PIEZO2: variants seen among roughly 807,000 people sequenced by gnomAD.
The protein encoded by PIEZO2 is piezo-type mechanosensitive ion channel component 2.
In PIEZO2, 172 loss-of-function variants were observed where a neutral mutation model predicts 337.3. That is an observed-to-expected ratio of 0.51 (90% CI 0.45 to 0.58). The LOEUF is 0.58. Ranked by LOEUF, PIEZO2 falls within the 20% of genes least tolerant of loss-of-function variation. The probability of loss-of-function intolerance (pLI) is 0.00; values close to 1 mark genes in which losing one functional copy is unlikely to be tolerated. For missense variants in PIEZO2, 3,028 were observed against 3,391.3 expected, an observed-to-expected ratio of 0.89 and a Z score of 2.66; for synonymous variants, 1,251 against 1,228.5, an observed-to-expected ratio of 1.02 and a Z score of -0.38.
intron 3 of PIEZO2, among the ~76,000 whole-genome samples, chr18:10,934,930 G>A (rs1460336643): frequency 6.6e-6 from 1 of 151,964 alleles, no homozygotes; most frequent in Non-Finnish European, 1.5e-5. Context: ...CCTTACAGAC[G>A]TGGCAACCGA....
At chr18:10,887,824 A>C (rs1740006269) in intron 4 of PIEZO2, among the ~76,000 whole-genome samples, 1 of 152,094 alleles carries the variant, frequency 6.6e-6, no homozygotes, top group Non-Finnish European at 1.5e-5. Flanking sequence ...TGGCTCATGA[A>C]TTCTTGCAAA....
intron 3 of PIEZO2, among the ~76,000 whole-genome samples, chr18:10,946,486 G>A (rs1052507684): frequency 2.6e-5 from 4 of 152,178 alleles, no homozygotes; most frequent in Admixed American, 2.0e-4. Flanking sequence ...TCTCCCTGGT[G>A]TTAACAGGGT....
In PIEZO2 at chr18:11,101,272, T is replaced by A. The variant is rs1467906486; in HGVS notation, c.65-35050A>T. The stretch of plus-strand genomic sequence containing the variant: ...TCCGACTTCCAAACTTCCTCTGGAG[T>A]TCTGGGACTCAATGGAGAGTCAATC... On this transcript the variant is annotated intron_variant, in intron 1 of 55. Transcript: ENST00000674853. The surrounding 1 kb of genome is among the most constrained non-coding windows in gnomAD (Gnocchi z 4.4). Among the ~76,000 whole-genome samples, 1 of 152,194 alleles carries A rather than the reference T, an allele frequency of 6.6e-6. No homozygotes were observed. Among genetic ancestry groups the A allele is most frequent in the African/African-American group, 2.4e-5 (1 of 41,448 alleles).
intron 1 of PIEZO2, among the ~76,000 whole-genome samples, chr18:11,073,701 G>T (rs2038424805): frequency 6.6e-6 from 1 of 152,168 alleles, no homozygotes; most frequent in African/African-American, 2.4e-5. Flanking sequence ...TGTATGTGAA[G>T]ATGCTACCCA....
At chr18:10,720,234 G>GCGTGTATATATA (rs1555631512) in intron 36 of PIEZO2, among the ~76,000 whole-genome samples, 6 of 119,916 alleles carry the variant, frequency 5.0e-5, no homozygotes, top group African/African-American at 2.0e-4. Context: ...GTGTGTGTGT[G>GCGTGTATATATA]TATATATATA....
In PIEZO2 at chr18:10,827,256, G is replaced by A. The variant is rs566531984; in HGVS notation, c.918-19982C>T. Among the ~76,000 whole-genome samples, 312 of 151,686 alleles carry A rather than the reference G, an allele frequency of 2.1e-3. 1 individual carries two copies. Among genetic ancestry groups the A allele is most frequent in the African/African-American group, 7.3e-3 (301 of 41,336 alleles). On this transcript the variant is annotated intron_variant, in intron 7 of 55. Transcript: ENST00000674853. ...GATTTTTTTCCAATGAGTGTGCATC[G>A]CCACTATAATTTTAAAGGTTCTTTT...
chr18:10,763,312 C>T (rs747228778), intron 21 of PIEZO2: 1 of 571,868 alleles, frequency 1.7e-6, no homozygotes, highest in South Asian at 2.2e-5. Flanking sequence ...GGCAGACAGA[C>T]ATATCATCAG....
At position 11,083,867 on chromosome 18, in the gene PIEZO2, C is replaced by A. The variant is rs921498868; in HGVS notation, c.65-17645G>T. Among the ~76,000 whole-genome samples, 2 of 152,028 alleles carry A rather than the reference C, an allele frequency of 1.3e-5. No individual in the cohort carries two copies. The highest frequency in any genetic ancestry group is 2.9e-5 in the Non-Finnish European group (2 of 68,010). ...CTTTAGTCAATTTTAATTAAATAAT[C>A]GATCAATTCAATTAAGAGAAAGGAG... On this transcript the variant is annotated intron_variant, in intron 1 of 55. Coordinates refer to ENST00000674853, the MANE Select transcript of PIEZO2 (RefSeq NM_001378183.1). This position sits in a 1 kb window ranked among gnomAD's most constrained non-coding sequence, Gnocchi z 4.4.
chr18:10,695,280 G>A (rs2035032052), intron 47 of PIEZO2, among the ~76,000 whole-genome samples: 1 of 152,236 alleles, frequency 6.6e-6, no homozygotes, highest in Admixed American at 6.5e-5. Context: ...TAAGGAGGAA[G>A]TAGACTTTGG....
rs1174509977 is a variant in PIEZO2, at chr18:10,680,254, C to T, written c.7897G>A (p.Glu2633Lys). 1.9e-6 allele frequency: 3 copies of T among 1,613,964 alleles called. No homozygotes were observed. Among genetic ancestry groups the T allele is most frequent in the Admixed American group, 1.7e-5 (1 of 60,004 alleles). ...AAGCTACTATTGGGGTCCAGGAGTT[C>T]GTGTATCATTTTCTGCTTACTGGGT... ...SPPSKQKMIH[E>K]LLDPNSSFSV... The change falls in exon 52 of 56, where the codon GAA (glutamate) becomes AAA (lysine). Residue 2633 changes from glutamate (E) to lysine (K), a missense_variant. By Grantham distance (56) the Glu-to-Lys change is moderately conservative (BLOSUM62 1). This residue lies in a region of PIEZO2 where 332 missense variants were observed against 363.8 expected (regional missense o/e 0.91). Coordinates refer to ENST00000674853, the MANE Select transcript of PIEZO2 (RefSeq NM_001378183.1).
Position 10,705,707 on chromosome 18 carries a change from C to A in PIEZO2, c.5628G>T (p.Gly1876=). The A allele has an allele frequency of 2.6e-6, 4 of 1,536,354 alleles. No individual in the cohort carries two copies. The highest frequency in any genetic ancestry group is 3.5e-6 in the Non-Finnish European group (4 of 1,146,594). The change falls in exon 41 of 56, where the codon GGG becomes GGT. Residue 1876 remains glycine (G), a synonymous_variant. Transcript: ENST00000674853. ...TQCTMLYSRQ[G]TTETIEEVEA... ...CCACCTCCTCGATGGTCTCAGTGGTCCCCTGGCGTGAGTACAGCATGGTAC... is the reference window on the plus strand; with the variant it reads ...CCACCTCCTCGATGGTCTCAGTGGTACCCTGGCGTGAGTACAGCATGGTAC...
chr18:11,006,202 T>A (rs538741162), intron 2 of PIEZO2, among the ~76,000 whole-genome samples: 125 of 152,310 alleles, frequency 8.2e-4, no homozygotes, highest in Non-Finnish European at 1.3e-3. Flanking sequence ...TCACTACTTG[T>A]AATTATCTTT....
At chr18:10,908,683 G>A (rs1395188243) in intron 4 of PIEZO2, 1 of 152,196 alleles carries the variant, frequency 6.6e-6, no homozygotes, top group African/African-American at 2.4e-5. Context: ...GAAAACACAG[G>A]ATGACATGTT....
In PIEZO2 at chr18:11,103,344, A is replaced by G. The variant is rs7245016; in HGVS notation, c.65-37122T>C. ...GCTTGCCTTGACCTCCCAAAGTGCT[A>G]GGATTACAGGCAAGATTTTTATTTA... On this transcript the variant is annotated intron_variant, in intron 1 of 55. Transcript: ENST00000674853. 8.0e-3 allele frequency among the ~76,000 whole-genome samples: 1,224 copies of G among 152,318 alleles called. 17 individuals carry two copies. The highest frequency in any genetic ancestry group is 0.028 in the African/African-American group (1,148 of 41,572).
In PIEZO2 at chr18:10,962,980, C is replaced by T. The variant is rs2033847769; in HGVS notation, c.286+16555G>A. 6.6e-6 allele frequency among the ~76,000 whole-genome samples: 1 copy of T among 152,106 alleles called. No individual in the cohort carries two copies. Among genetic ancestry groups the T allele is most frequent in the East Asian group, 1.9e-4 (1 of 5,180 alleles). ...ATACATATACCCAGAATCATTCCTC[C>T]TGTCAAAATTAAATAGAAATATCTG... On this transcript the variant is annotated intron_variant, in intron 3 of 55. Coordinates refer to ENST00000674853, the MANE Select transcript of PIEZO2 (RefSeq NM_001378183.1). The surrounding 1 kb of genome is among the most constrained non-coding windows in gnomAD (Gnocchi z 4.1).
chr18:10,936,352 G>A (rs1035667163), intron 3 of PIEZO2, among the ~76,000 whole-genome samples: 6 of 152,134 alleles, frequency 3.9e-5, no homozygotes, highest in African/African-American at 1.2e-4. Context: ...GGTGGAGCTT[G>A]TCTTGGAATG....
At position 10,752,766 on chromosome 18, in the gene PIEZO2, A is replaced by G; in HGVS notation, c.4037T>C (p.Leu1346Pro). 1 of 1,537,246 alleles carries G rather than the reference A, an allele frequency of 6.5e-7. No individual in the cohort carries two copies. Among genetic ancestry groups the G allele is most frequent in the Non-Finnish European group, 8.7e-7 (1 of 1,146,910 alleles). Residue 1346 changes from leucine (L) to proline (P), a missense_variant, in exon 28 of 56, where the codon CTG becomes CCG. By Grantham distance (98) the Leu-to-Pro change is moderately conservative (BLOSUM62 -3). Coordinates refer to ENST00000674853, the MANE Select transcript of PIEZO2 (RefSeq NM_001378183.1). ...GAGCAGGAAGTAGAAACAGGCCACC[A>G]GGTACCCCATGCAAAAGATGCTGAT... is the stretch of plus-strand genomic sequence containing the variant. ...TRISIFCMGYLVACFYFLLFG... is the reference protein window; with the variant it reads ...TRISIFCMGYPVACFYFLLFG...
In PIEZO2 at chr18:10,726,648, G is replaced by A; in HGVS notation, c.5029+4759C>T. The A allele has an allele frequency of 7.1e-7, 1 of 1,413,324 alleles. No individual in the cohort carries two copies. Among genetic ancestry groups the A allele is most frequent in the Non-Finnish European group, 9.6e-7 (1 of 1,043,036 alleles). The allele number at this position is 1,413,324 out of a possible 1,614,324, so 87.5% of individuals were successfully genotyped here. A position where few individuals can be genotyped will look rare whatever the true frequency, so the allele number is the denominator to read the frequency against. ...GCTGGGAGTACTGCGCGCGCGCCAA[G>A]CGCGGCCAGACAGACACCTCGCTGC... On this transcript the variant is annotated intron_variant, in intron 36 of 55. Transcript: ENST00000674853. The surrounding 1 kb of genome is among the most constrained non-coding windows in gnomAD (Gnocchi z 5.9).
Position 11,080,799 on chromosome 18 carries a change from G to A in PIEZO2, c.65-14577C>T, listed in dbSNP as rs148770998. Among the ~76,000 whole-genome samples, 313 of 152,256 alleles carry A rather than the reference G, an allele frequency of 2.1e-3. 1 individual carries two copies. Among genetic ancestry groups the A allele is most frequent in the African/African-American group, 7.2e-3 (298 of 41,550 alleles). On this transcript the variant is annotated intron_variant, in intron 1 of 55. Coordinates refer to ENST00000674853, the MANE Select transcript of PIEZO2 (RefSeq NM_001378183.1). The surrounding 1 kb of genome is among the most constrained non-coding windows in gnomAD (Gnocchi z 5.4). ...GCGGAGGTCACGGTGAGCCAAGATGGTGCCACTGCACCCCAGCCTGGCGAC... is the reference window on the plus strand; with the variant it reads ...GCGGAGGTCACGGTGAGCCAAGATGATGCCACTGCACCCCAGCCTGGCGAC...
Sources: allele counts gnomAD v4.1 joint callset (sites outside exome capture counted in the v4.1 genomes callset), GRCh38; gene constraint gnomAD v4.1.1; regional missense constraint gnomAD v4.1.1; non-coding constraint Gnocchi (gnomAD v3.1); transcripts MANE v1.5; gene names NCBI Gene and HGNC (gene_info 2026-07-23, HGNC 2026-07-21).